The following ARMC8 variants were observed in gnomAD, a reference collection of about 807,000 sequenced individuals.
The protein encoded by ARMC8 is armadillo repeat containing 8, also known as armadillo repeat-containing protein 8.
In ARMC8, 20 loss-of-function variants were observed where a neutral mutation model predicts 99.3. That is an observed-to-expected ratio of 0.20 (90% CI 0.14 to 0.29). ARMC8 has a LOEUF of 0.29. Ranked by LOEUF, ARMC8 falls within the 10% of genes least tolerant of loss-of-function variation. The probability of loss-of-function intolerance (pLI) is 1.00; values close to 1 mark genes in which losing one functional copy is unlikely to be tolerated. For synonymous variants in ARMC8, 263 were observed against 278.3 expected (o/e 0.95, Z 0.55); for missense variants, 569 against 809.5 (o/e 0.70, Z 3.60).
intron 18 of ARMC8, among the ~76,000 whole-genome samples, chr3:138,277,098 G>C (rs1346773725): frequency 6.6e-6 from 1 of 152,148 alleles, no homozygotes; most frequent in Non-Finnish European, 1.5e-5. Context: ...CAATGGAACA[G>C]ACTAGAGAGT....
At chr3:138,190,281 C>CTTT (rs141579108) in intron 1 of ARMC8, among the ~76,000 whole-genome samples, 44 of 114,340 alleles carry the variant, frequency 3.8e-4, no homozygotes, top group Non-Finnish European at 4.5e-4. Context: ...ATTTTCTTAT[C>CTTT]TTTTTTTTTT....
chr3:138,262,246 G>T, intron 12 of ARMC8: 1 of 286,798 alleles, frequency 3.5e-6, no homozygotes, highest in Non-Finnish European at 6.5e-6. Flanking sequence ...GAATTTAGGG[G>T]CTAGAGGTGA....
intron 1 of ARMC8, among the ~76,000 whole-genome samples, chr3:138,196,943 A>G (rs1414156459): frequency 6.6e-6 from 1 of 152,166 alleles, no homozygotes; most frequent in Non-Finnish European, 1.5e-5. Flanking sequence ...ATTAAAACTC[A>G]TGTGAGCTAT....
Position 138,229,134 on chromosome 3 carries a change from GTATATATATATATATATATA to G in ARMC8, c.528+154_528+173del, listed in dbSNP as rs71146119. ...TATAAGTAGACCTGTGTGTGTGCGTGTATATATATATATATATATATATATATATATATATATATATATAT... is the reference window on the plus strand; with the variant it reads ...TATAAGTAGACCTGTGTGTGTGCGTGTATATATATATATATATATATATAT... On this transcript the variant is annotated intron_variant, in intron 6 of 21. Transcript: ENST00000469044. The G allele has an allele frequency of 1.9e-3, 151 of 78,614 alleles. 2 individuals are homozygous for G. Among genetic ancestry groups the G allele is most frequent in the Middle Eastern group, 6.9e-3 (1 of 144 alleles). The allele number at this position is 78,614 out of a possible 1,614,324, so 4.9% of individuals were successfully genotyped here. A position where few individuals can be genotyped will look rare whatever the true frequency, so the allele number is the denominator to read the frequency against.
intron 18 of ARMC8, among the ~76,000 whole-genome samples, chr3:138,282,635 CA>C (rs760470914): frequency 0.031 from 1,452 of 47,528 alleles, 9 homozygotes; most frequent in African/African-American, 0.086. Context: ...GACTCCATCT[CA>C]AAAAAAAAAA....
intron 13 of ARMC8, 70 bp downstream of exon 13, chr3:138,263,891 C>A: frequency 7.5e-7 from 1 of 1,337,958 alleles, no homozygotes; most frequent in Non-Finnish European, 1.1e-6. Context: ...TCTGGTCCTT[C>A]ACTGAGTAAA....
intron 16 of ARMC8, 49 bp downstream of exon 16, chr3:138,270,181 A>G (rs369346893): frequency 2.9e-5 from 38 of 1,321,782 alleles, no homozygotes; most frequent in African/African-American, 7.2e-5. Flanking sequence ...GAATACAGCT[A>G]TTGTCTAAGT....
At chr3:138,193,797 CTT>C (rs1280836762) in intron 1 of ARMC8, among the ~76,000 whole-genome samples, 3 of 152,102 alleles carry the variant, frequency 2.0e-5, no homozygotes, top group Admixed American at 6.5e-5. Flanking sequence ...TGGTGAATAA[CTT>C]TTAGACATAA....
intron 7 of ARMC8, among the ~76,000 whole-genome samples, chr3:138,235,558 C>G (rs1339846516): frequency 6.6e-6 from 1 of 152,146 alleles, no homozygotes; most frequent in Admixed American, 6.5e-5. Context: ...TAAAGAGTTT[C>G]CAGACTTAAC....
At chr3:138,269,721 G>T (rs2048600740) in intron 15 of ARMC8, among the ~76,000 whole-genome samples, 1 of 152,076 alleles carries the variant, frequency 6.6e-6, no homozygotes, top group Non-Finnish European at 1.5e-5. Flanking sequence ...GGATCATAAG[G>T]GTCTGTGTGA....
At chr3:138,286,498 A>G (rs1055803979) in intron 19 of ARMC8, among the ~76,000 whole-genome samples, 7 of 152,212 alleles carry the variant, frequency 4.6e-5, no homozygotes, top group African/African-American at 1.7e-4. Context: ...CTTGCGTGAC[A>G]CCATACCTCC....
intron 12 of ARMC8, among the ~76,000 whole-genome samples, chr3:138,256,133 A>T (rs1302925664): frequency 6.6e-6 from 1 of 152,264 alleles, no homozygotes; most frequent in Non-Finnish European, 1.5e-5. Context: ...TTTGCAACAG[A>T]TGAATGGAAC....
At chr3:138,188,442 G>T in intron 1 of ARMC8, 2 of 1,599,484 alleles carry the variant, frequency 1.3e-6, no homozygotes, top group Non-Finnish European at 1.7e-6. Flanking sequence ...TCACTATGTT[G>T]CTCTTGAACC....
chr3:138,254,645 T>G (rs978150347), intron 12 of ARMC8, among the ~76,000 whole-genome samples: 2 of 152,218 alleles, frequency 1.3e-5, no homozygotes, highest in African/African-American at 2.4e-5. Context: ...ATTGAACTCA[T>G]AGAGAAATAT....
chr3:138,262,613 A>T (rs1560008320), intron 12 of ARMC8: 4 of 1,497,184 alleles, frequency 2.7e-6, no homozygotes, highest in Non-Finnish European at 1.8e-6. Context: ...AAAAAAAAAA[A>T]TTTAGGTGCC....
chr3:138,272,012 T>A (rs1018855335), intron 16 of ARMC8, among the ~76,000 whole-genome samples: 2 of 152,162 alleles, frequency 1.3e-5, no homozygotes, highest in Non-Finnish European at 2.9e-5. Flanking sequence ...TACTTGGAAT[T>A]TATCATGGTT....
intron 1 of ARMC8, among the ~76,000 whole-genome samples, chr3:138,195,682 C>T (rs953174946): frequency 1.3e-5 from 2 of 151,814 alleles, no homozygotes; most frequent in East Asian, 3.9e-4. Flanking sequence ...GGTAAAGAGA[C>T]GGTATTACAT....
At chr3:138,242,964 G>C (rs553342091) in intron 11 of ARMC8, among the ~76,000 whole-genome samples, 67 of 152,120 alleles carry the variant, frequency 4.4e-4, no homozygotes, top group Non-Finnish European at 8.8e-4. Flanking sequence ...TTTCAGTAGT[G>C]GTGTTTTTCC....
intron 5 of ARMC8, among the ~76,000 whole-genome samples, chr3:138,227,678 GTTCTT>G (rs1039810477): frequency 6.6e-6 from 1 of 152,096 alleles, no homozygotes; most frequent in African/African-American, 2.4e-5. Context: ...CAACAAGGGT[GTTCTT>G]TTAAGTTTTT....
Sources: gnomAD v4.1 joint callset for allele counts (sites outside exome capture counted in the v4.1 genomes callset) on GRCh38, gnomAD v4.1.1 for gene constraint, MANE v1.5 for transcripts, NCBI Gene and HGNC (gene_info 2026-07-23, HGNC 2026-07-21) for gene names.